ZNG1B: variants seen among roughly 807,000 people sequenced by gnomAD.
The protein encoded by ZNG1B is Zn regulated GTPase metalloprotein activator 1B, also known as zinc-regulated GTPase metalloprotein activator 1B.
the ZNG1B span, among the ~76,000 whole-genome samples, chr2:113,456,183 C>CT: frequency 7.1e-4 from 108 of 151,828 alleles, no homozygotes; most frequent in African/African-American, 2.5e-3. Flanking sequence ...AAGAAAACTC[C>CT]TTTTTTAGAG....
chr2:113,478,264 A>T, the ZNG1B span, among the ~76,000 whole-genome samples: 4 of 151,508 alleles, frequency 2.6e-5, no homozygotes, highest in African/African-American at 9.7e-5. Flanking sequence ...ATTCCTATAT[A>T]TATTTCTTTT....
the ZNG1B span, among the ~76,000 whole-genome samples, chr2:113,490,411 G>GTA: frequency 7.5e-6 from 1 of 133,016 alleles, no homozygotes; most frequent in African/African-American, 3.0e-5. Context: ...GTCGGAAAGA[G>GTA]CACAATCTAC....
At chr2:113,472,327 G>A in the ZNG1B span, among the ~76,000 whole-genome samples, 1 of 151,946 alleles carries the variant, frequency 6.6e-6, no homozygotes, top group South Asian at 2.1e-4. Flanking sequence ...TTTTTGATGG[G>A]GTTGTTTGTT....
the ZNG1B span, among the ~76,000 whole-genome samples, chr2:113,442,197 C>T: frequency 6.6e-6 from 1 of 152,038 alleles, no homozygotes; most frequent in South Asian, 2.1e-4. Flanking sequence ...TAAAGGTAAA[C>T]ATATGGTCTT....
At chr2:113,478,033 A>G in the ZNG1B span, among the ~76,000 whole-genome samples, 1 of 152,244 alleles carries the variant, frequency 6.6e-6, no homozygotes, top group Admixed American at 6.5e-5. Context: ...TTTTCTACAT[A>G]TACCACATTT....
chr2:113,489,636 A>G, the ZNG1B span, among the ~76,000 whole-genome samples: 1 of 152,158 alleles, frequency 6.6e-6, no homozygotes, highest in Non-Finnish European at 1.5e-5. Flanking sequence ...ACACATAAGG[A>G]CTCACATAAA....
At chr2:113,442,305 A>G in the ZNG1B span, among the ~76,000 whole-genome samples, 4 of 152,140 alleles carry the variant, frequency 2.6e-5, no homozygotes, top group African/African-American at 9.7e-5. Context: ...TAGACACAAT[A>G]CTTCTGTTAT....
the ZNG1B span, chr2:113,471,228 T>G: frequency 7.2e-6 from 10 of 1,390,082 alleles, no homozygotes; most frequent in Non-Finnish European, 9.9e-6. Flanking sequence ...CTTAATGAGG[T>G]ATATTCTTGG....
the ZNG1B span, among the ~76,000 whole-genome samples, chr2:113,486,856 T>A: frequency 6.6e-6 from 1 of 152,198 alleles, no homozygotes. Context: ...AAAATACATT[T>A]TAAACATTTT....
the ZNG1B span, chr2:113,447,375 A>AATATTT: frequency 2.3e-6 from 1 of 440,310 alleles, no homozygotes; most frequent in Non-Finnish European, 4.5e-6. Context: ...CTTAATTAAA[A>AATATTT]ATATTTATTG....
the ZNG1B span, chr2:113,481,951 A>G: frequency 4.9e-6 from 3 of 614,254 alleles, no homozygotes; most frequent in Admixed American, 9.3e-5. Context: ...TATTCTGTGC[A>G]TATGTATATA....
the ZNG1B span, among the ~76,000 whole-genome samples, chr2:113,442,273 A>G: frequency 3.9e-5 from 6 of 152,072 alleles, no homozygotes; most frequent in African/African-American, 1.5e-4. Flanking sequence ...GAAATATTAA[A>G]CTGTAGTCAA....
chr2:113,471,797 A>T, the ZNG1B span, among the ~76,000 whole-genome samples: 3 of 152,010 alleles, frequency 2.0e-5, no homozygotes, highest in South Asian at 6.2e-4. Context: ...CCATGTCCCT[A>T]CAAAGGACAT....
At chr2:113,445,890 A>C in the ZNG1B span, among the ~76,000 whole-genome samples, 1 of 151,624 alleles carries the variant, frequency 6.6e-6, no homozygotes, top group Admixed American at 6.6e-5. Flanking sequence ...AACAGGTCAT[A>C]GTTGTCCAAA....
At chr2:113,450,686 G>T in the ZNG1B span, among the ~76,000 whole-genome samples, 2 of 123,466 alleles carry the variant, frequency 1.6e-5, no homozygotes, top group Non-Finnish European at 3.4e-5. Context: ...CTTGCTTTTT[G>T]TTCCCTGTAT....
At chr2:113,462,933 C>T in the ZNG1B span, 1 of 163,306 alleles carries the variant, frequency 6.1e-6, no homozygotes, top group African/African-American at 3.3e-5. Context: ...TTATTCTATA[C>T]AGCCTATTCT....
At chr2:113,453,709 G>A in the ZNG1B span, among the ~76,000 whole-genome samples, 3 of 149,198 alleles carry the variant, frequency 2.0e-5, no homozygotes, top group Non-Finnish European at 4.4e-5. Flanking sequence ...GGTGGAACTC[G>A]ATGTCACTCA....
At chr2:113,446,975 G>A in the ZNG1B span, among the ~76,000 whole-genome samples, 5 of 149,956 alleles carry the variant, frequency 3.3e-5, no homozygotes, top group African/African-American at 1.2e-4. Context: ...TCTAAGGGAG[G>A]GGGTCAAGCA....
At chr2:113,483,315 G>T in the ZNG1B span, among the ~76,000 whole-genome samples, 1 of 151,664 alleles carries the variant, frequency 6.6e-6, no homozygotes, top group Non-Finnish European at 1.5e-5. Flanking sequence ...CTATTGTGGC[G>T]GTTACGATGC....
Sources: allele counts gnomAD v4.1 joint callset (sites outside exome capture counted in the v4.1 genomes callset), GRCh38; gene constraint gnomAD v4.1.1; transcripts MANE v1.5; gene names NCBI Gene and HGNC (gene_info 2026-07-23, HGNC 2026-07-21).